The following DHX35 variants were observed in gnomAD, a reference collection of about 807,000 sequenced individuals.
DHX35 encodes DEAH-box helicase 35.
In DHX35, 84 loss-of-function variants were observed where a neutral mutation model predicts 99.6. The observed-to-expected ratio is 0.84, with a 90% CI of 0.71 to 1.01. The LOEUF is 1.01. Ranked by LOEUF, DHX35 falls within the 50% of genes least tolerant of loss-of-function variation. The probability of loss-of-function intolerance (pLI) is 0.00; values close to 1 mark genes in which losing one functional copy is unlikely to be tolerated. For synonymous variants in DHX35, 331 were observed against 316.2 expected (o/e 1.05, Z -0.50); for missense variants, 852 against 888.5 (o/e 0.96, Z 0.52).
intron 20 of DHX35, among the ~76,000 whole-genome samples, chr20:39,031,085 C>T (rs1373673145): frequency 1.3e-5 from 2 of 151,910 alleles, no homozygotes; most frequent in Admixed American, 6.6e-5. Flanking sequence ...TTGCTTGAAC[C>T]TGGGAGGCAG....
intron 5 of DHX35, among the ~76,000 whole-genome samples, chr20:38,990,506 G>C (rs1004429881): frequency 6.6e-6 from 1 of 152,142 alleles, no homozygotes; most frequent in African/African-American, 2.4e-5. Flanking sequence ...TACATGTACA[G>C]TCAGTCCTCT....
intron 8 of DHX35, 57 bp from the exon 9 acceptor site, chr20:39,001,673 A>G: frequency 2.2e-6 from 3 of 1,356,350 alleles, no homozygotes; most frequent in Non-Finnish European, 3.1e-6. Flanking sequence ...TCTTTCCATG[A>G]ATCGCTACGA....
intron 8 of DHX35, among the ~76,000 whole-genome samples, chr20:38,996,065 C>G (rs1314743779): frequency 6.6e-6 from 1 of 152,156 alleles, no homozygotes; most frequent in Admixed American, 6.5e-5. Context: ...TCTGGAGGAA[C>G]CCTCTTTTTA....
intron 8 of DHX35, among the ~76,000 whole-genome samples, chr20:38,999,868 T>A (rs1427498127): frequency 6.6e-6 from 1 of 152,246 alleles, no homozygotes; most frequent in African/African-American, 2.4e-5. Flanking sequence ...TCGAATAAAG[T>A]GCCAGTGCAG....
chr20:39,003,861 T>G lies in DHX35; in HGVS notation c.965T>G (p.Phe322Cys). Reference sequence around the variant, plus strand: ...CCCATGTATGCAGGACTGCCTTCCTTTGAGCAAATGAAAGTGTTTGAAAGG... The same window carrying G: ...CCCATGTATGCAGGACTGCCTTCCTGTGAGCAAATGAAAGTGTTTGAAAGG... ...VLPMYAGLPSFEQMKVFERVS... is the reference protein window; with the variant it reads ...VLPMYAGLPSCEQMKVFERVS... Residue 322 changes from phenylalanine to cysteine, a missense_variant, in exon 11 of 22, where the codon TTT (phenylalanine) becomes TGT (cysteine). Coordinates refer to ENST00000252011, the MANE Select transcript of DHX35 (RefSeq NM_021931.4). 2 of 1,614,168 alleles carry G rather than the reference T, an allele frequency of 1.2e-6. No individual in the cohort carries two copies.
rs527682486 is a variant in DHX35 at position 38,975,910 on chromosome 20, G to A, written c.267+3259G>A. ...TTATATGGCCAGGCCTGATAGCAACGGGGTGACAGTGTATATAATCCTCCC... is the reference window on the plus strand; with the variant it reads ...TTATATGGCCAGGCCTGATAGCAACAGGGTGACAGTGTATATAATCCTCCC... On this transcript the variant is annotated intron_variant, in intron 3 of 21. Coordinates refer to ENST00000252011, the MANE Select transcript of DHX35 (RefSeq NM_021931.4). 2.2e-3 allele frequency among the ~76,000 whole-genome samples: 340 copies of A among 152,264 alleles called. 1 individual carries two copies. The highest frequency in any genetic ancestry group is 7.8e-3 in the African/African-American group (323 of 41,540).
intron 11 of DHX35, among the ~76,000 whole-genome samples, chr20:39,004,738 C>T (rs2086584997): frequency 1.3e-5 from 2 of 152,206 alleles, no homozygotes; most frequent in African/African-American, 4.8e-5. Flanking sequence ...CTGCCTTTTC[C>T]TTTCATTAGA....
intron 20 of DHX35, 101 bp from the exon 21 acceptor site, chr20:39,034,105 G>A (rs2087103221): frequency 2.4e-6 from 2 of 828,768 alleles, no homozygotes; most frequent in South Asian, 3.0e-5. Flanking sequence ...GGCACATAGA[G>A]TAGAACCTGT....
intron 21 of DHX35, among the ~76,000 whole-genome samples, chr20:39,038,194 G>A (rs980361438): frequency 6.6e-6 from 1 of 152,226 alleles, no homozygotes; most frequent in African/African-American, 2.4e-5. Context: ...CCTCTAGGCT[G>A]GGGCAGAGGG....
intron 13 of DHX35, among the ~76,000 whole-genome samples, chr20:39,011,113 A>G (rs1462818488): frequency 6.6e-6 from 1 of 152,032 alleles, no homozygotes; most frequent in East Asian, 1.9e-4. Context: ...AACATTTATT[A>G]GTCAGTTTTT....
rs2086334362 is a variant in DHX35, at chr20:38,991,340, G to A, written c.451-114G>A. On this transcript the variant is annotated intron_variant, in intron 5 of 21. Coordinates refer to ENST00000252011, the MANE Select transcript of DHX35 (RefSeq NM_021931.4). ...TGGGGGCATTTTCTCACAGTCCTTT[G>A]TGGGAATTTACTTGTACACATGCTG... 70 of 827,802 alleles carry A rather than the reference G, an allele frequency of 8.5e-5. No individual in the cohort carries two copies. In the South Asian group the frequency reaches 1.3e-3, roughly 15 times the overall value. 51.3% of individuals were successfully genotyped at this position (827,802 alleles called of 1,614,324 possible). A position where few individuals can be genotyped will look rare whatever the true frequency, so the allele number is the denominator to read the frequency against.
chr20:39,024,376 C>T (rs1237136641), intron 17 of DHX35, among the ~76,000 whole-genome samples: 1 of 152,064 alleles, frequency 6.6e-6, no homozygotes, highest in Non-Finnish European at 1.5e-5. Context: ...GGGTATAATA[C>T]TTCAGATTTT....
chr20:39,038,874 A>G lies in DHX35; in HGVS notation c.*331A>G. 1 of 373,528 alleles carries G rather than the reference A, an allele frequency of 2.7e-6. No homozygotes were observed. The highest frequency in any genetic ancestry group is 4.9e-6 in the Non-Finnish European group (1 of 202,960). 23.1% of individuals were successfully genotyped at this position (373,528 alleles called of 1,614,324 possible). A position where few individuals can be genotyped will look rare whatever the true frequency, so the allele number is the denominator to read the frequency against. On this transcript the variant is annotated 3_prime_UTR_variant, in exon 22 of 22. Coordinates refer to ENST00000252011, the MANE Select transcript of DHX35 (RefSeq NM_021931.4). ...CCCAGCTCTATGGGAAACAAGGAGGAAAGTTAGCCACTGAAGGCCAAAACA... is the reference window on the plus strand; with the variant it reads ...CCCAGCTCTATGGGAAACAAGGAGGGAAGTTAGCCACTGAAGGCCAAAACA...
chr20:38,977,994 A>G, intron 3 of DHX35: 1 of 693,432 alleles, frequency 1.4e-6, no homozygotes. Context: ...CTCCAGGGGC[A>G]GATCACCTTC....
intron 21 of DHX35, among the ~76,000 whole-genome samples, chr20:39,034,673 C>A (rs1021443727): frequency 1.3e-5 from 2 of 151,748 alleles, no homozygotes; most frequent in African/African-American, 4.8e-5. Context: ...CTGCAAGCTC[C>A]GTTTCCCGGA....
chr20:39,006,494 C>T (rs2086620977), intron 12 of DHX35, 138 bp downstream of exon 12: 1 of 892,944 alleles, frequency 1.1e-6, no homozygotes, highest in South Asian at 1.7e-5. Flanking sequence ...GTAATCAGAT[C>T]CCCACTGCTT....
chr20:39,017,551 C>A (rs2145924466), intron 14 of DHX35, among the ~76,000 whole-genome samples: 1 of 152,132 alleles, frequency 6.6e-6, no homozygotes, highest in South Asian at 2.1e-4. Context: ...GATAGAGGGA[C>A]CCCCCGCCTC....
chr20:38,998,067 A>G (rs1182330630), intron 8 of DHX35, among the ~76,000 whole-genome samples: 3 of 152,258 alleles, frequency 2.0e-5, no homozygotes, highest in Non-Finnish European at 4.4e-5. Flanking sequence ...GCAGAGCATG[A>G]TGGGGCTGAT....
intron 13 of DHX35, among the ~76,000 whole-genome samples, chr20:39,013,518 G>A (rs2086736560): frequency 6.6e-6 from 1 of 152,220 alleles, no homozygotes; most frequent in Non-Finnish European, 1.5e-5. Context: ...TAGTGAATGT[G>A]ATTAGATGAA....
Sources: allele counts gnomAD v4.1 joint callset (sites outside exome capture counted in the v4.1 genomes callset), GRCh38; gene constraint gnomAD v4.1.1; transcripts MANE v1.5; gene names NCBI Gene and HGNC (gene_info 2026-07-23, HGNC 2026-07-21).